PCCB: variants seen among roughly 807,000 people sequenced by gnomAD.
The protein encoded by PCCB is propionyl-CoA carboxylase subunit beta.
Under a neutral mutation model 60.7 loss-of-function variants are expected in PCCB, and 43 were observed. The ratio of observed to expected loss-of-function variants is 0.71; its 90% CI spans 0.55 to 0.91. The LOEUF is 0.91. Among genes scored for constraint, PCCB ranks in the 40% least tolerant of loss-of-function variants. PCCB has a pLI of 0.00. For missense variants in PCCB, 766 were observed against 702.8 expected (o/e 1.09, Z -1.02); for synonymous variants, 276 against 255.9 (o/e 1.08, Z -0.75).
chr3:136,296,783 A>C (rs1365499627), intron 7 of PCCB, among the ~76,000 whole-genome samples: 1 of 152,366 alleles, frequency 6.6e-6, no homozygotes, highest in Non-Finnish European at 1.5e-5. Context: ...GGAAAAAGGC[A>C]AATAGCAAAG....
intron 5 of PCCB, among the ~76,000 whole-genome samples, chr3:136,275,786 G>A (rs1202667869): frequency 6.6e-6 from 1 of 151,726 alleles, no homozygotes. Flanking sequence ...ATTTATTTTT[G>A]TTGAGATGGC....
Position 136,262,461 on chromosome 3 carries a change from TTAAA to T in PCCB, c.543+401_543+404del, listed in dbSNP as rs1200522015. 3.3e-5 allele frequency among the ~76,000 whole-genome samples: 5 copies of T among 152,168 alleles called. 1 individual carries two copies. Among genetic ancestry groups the T allele is most frequent in the South Asian group, 4.1e-4 (2 of 4,826 alleles). On this transcript the variant is annotated intron_variant, in intron 5 of 14. Coordinates refer to ENST00000251654, the MANE Select transcript of PCCB (RefSeq NM_000532.5). ...TTTTAGTTAAAACACTACAGGATTA[TTAAA>T]TAAAGTCCAAGCCACAGTGCAAAGA...
intron 8 of PCCB, 22 bp from the exon 9 acceptor site, chr3:136,301,008 C>A: frequency 6.3e-7 from 1 of 1,598,206 alleles, no homozygotes; most frequent in Non-Finnish European, 8.6e-7. Flanking sequence ...GTTGACTATA[C>A]CTGCCTTTTT....
intron 5 of PCCB, among the ~76,000 whole-genome samples, chr3:136,268,182 C>CATA (rs1389266430): frequency 6.9e-6 from 1 of 144,080 alleles, no homozygotes; most frequent in Non-Finnish European, 1.5e-5. Flanking sequence ...AGCCAGCTTT[C>CATA]TTATAGTAGG....
chr3:136,300,255 G>T (rs949989325), intron 8 of PCCB, among the ~76,000 whole-genome samples: 1 of 152,160 alleles, frequency 6.6e-6, no homozygotes, highest in African/African-American at 2.4e-5. Context: ...CCAGCGTAGA[G>T]CTTTTTGCGA....
At chr3:136,250,680 A>C in intron 1 of PCCB, 122 bp downstream of exon 1, 2 of 976,016 alleles carry the variant, frequency 2.0e-6, no homozygotes, top group East Asian at 2.7e-5. Flanking sequence ...GGGCCGGAGC[A>C]AGGGTGTTCA....
In PCCB at chr3:136,250,574, C is replaced by A. The variant is rs747222261; in HGVS notation, c.183+16C>A. ...GCACAAGCGAGTGAGTCCTGAGGGG[C>A]CTAAGTGAGTCCCGCCCCTGGCGTC... On this transcript the variant is annotated intron_variant, in intron 1 of 14. Transcript: ENST00000251654. The A allele has an allele frequency of 6.2e-7, 1 of 1,601,422 alleles. No homozygotes were observed. The highest frequency in any genetic ancestry group is 8.5e-7 in the Non-Finnish European group (1 of 1,172,832).
chr3:136,284,055 T>A, intron 6 of PCCB, 108 bp downstream of exon 6: 1 of 759,018 alleles, frequency 1.3e-6, no homozygotes, highest in Non-Finnish European at 2.3e-6. Context: ...GCATTCTCAT[T>A]GGCTTTCAGC....
At chr3:136,327,593 C>A in intron 12 of PCCB, 41 bp from the exon 13 acceptor site, 1 of 1,443,262 alleles carries the variant, frequency 6.9e-7, no homozygotes, top group Non-Finnish European at 9.8e-7. Flanking sequence ...CATGATCTGG[C>A]TGTCTCAGGC....
In PCCB at chr3:136,260,619, G is replaced by C. The variant is rs543828335; in HGVS notation, c.429+84G>C. On this transcript the variant is annotated intron_variant, in intron 4 of 14. Coordinates refer to ENST00000251654, the MANE Select transcript of PCCB (RefSeq NM_000532.5). ...GAGTATCTTTGGGGTACAAGACACTGAGCTAGGTACTTGGGGTAGGGCAGA... is the reference window on the plus strand; with the variant it reads ...GAGTATCTTTGGGGTACAAGACACTCAGCTAGGTACTTGGGGTAGGGCAGA... The C allele has an allele frequency of 2.6e-6, 3 of 1,169,588 alleles. No homozygotes were observed. In the African/African-American group the frequency reaches 4.5e-5, roughly 18 times the overall value. The allele number at this position is 1,169,588 out of a possible 1,614,324, so 72.5% of individuals were successfully genotyped here.
chr3:136,250,608 A>G (rs774932784), intron 1 of PCCB, 50 bp downstream of exon 1: 3 of 1,550,398 alleles, frequency 1.9e-6, no homozygotes, highest in African/African-American at 1.4e-5. Flanking sequence ...TCCGCGACCT[A>G]TCACTGCGTG....
chr3:136,278,502 C>A (rs952211730), intron 5 of PCCB, among the ~76,000 whole-genome samples: 3 of 152,086 alleles, frequency 2.0e-5, no homozygotes, highest in Admixed American at 6.5e-5. Context: ...GTGGAAAAAC[C>A]AAAACCTCTC....
rs775309894 is a variant in PCCB at position 136,317,082 on chromosome 3, T to A, written c.1090+18T>A. 1 of 1,614,094 alleles carries A rather than the reference T, an allele frequency of 6.2e-7. No individual in the cohort carries two copies. Among genetic ancestry groups the A allele is most frequent in the South Asian group, 1.1e-5 (1 of 91,084 alleles). On this transcript the variant is annotated intron_variant, in intron 10 of 14. Coordinates refer to ENST00000251654, the MANE Select transcript of PCCB (RefSeq NM_000532.5). Reference sequence around the variant, plus strand: ...GGCCTCAGGTAGGATGGAGCTCTTATAAGCCTTGGTTTTGGGGTTGGAGGC... The same window carrying A: ...GGCCTCAGGTAGGATGGAGCTCTTAAAAGCCTTGGTTTTGGGGTTGGAGGC...
At chr3:136,250,979 T>G (rs373788877) in intron 1 of PCCB, among the ~76,000 whole-genome samples, 6 of 152,334 alleles carry the variant, frequency 3.9e-5, no homozygotes, top group African/African-American at 1.4e-4. Context: ...GGTAGGTTCT[T>G]TCTCCTTTGT....
At chr3:136,251,315 G>A (rs759268022) in intron 1 of PCCB, 1 of 456,654 alleles carries the variant, frequency 2.2e-6, no homozygotes, top group South Asian at 1.5e-5. Flanking sequence ...TTGAAACCAG[G>A]CTTGCCCAGT....
At chr3:136,276,689 A>C (rs971921213) in intron 5 of PCCB, among the ~76,000 whole-genome samples, 1 of 152,160 alleles carries the variant, frequency 6.6e-6, no homozygotes, top group Non-Finnish European at 1.5e-5. Flanking sequence ...AGAAGCCCCA[A>C]CTGTGTCTGT....
intron 5 of PCCB, among the ~76,000 whole-genome samples, chr3:136,268,099 T>G (rs76593044): frequency 0.19 from 22,080 of 113,532 alleles, 2,575 homozygotes; most frequent in Non-Finnish European, 0.25. Context: ...TATATATATA[T>G]ATATATATAT....
chr3:136,310,026 A>G (rs1290295141), intron 9 of PCCB, among the ~76,000 whole-genome samples: 3 of 152,076 alleles, frequency 2.0e-5, no homozygotes, highest in Non-Finnish European at 2.9e-5. Flanking sequence ...GAGCCCAGGA[A>G]TTTGAGACCA....
intron 14 of PCCB, 36 bp from the exon 15 acceptor site, chr3:136,329,869 T>G: frequency 6.2e-7 from 1 of 1,612,216 alleles, no homozygotes; most frequent in South Asian, 1.1e-5. Context: ...CATCTCGGGA[T>G]GCAGATGATC....
Sources: gnomAD v4.1 joint callset for allele counts (sites outside exome capture counted in the v4.1 genomes callset) on GRCh38, gnomAD v4.1.1 for gene constraint, MANE v1.5 for transcripts, NCBI Gene and HGNC (gene_info 2026-07-23, HGNC 2026-07-21) for gene names.